GRM7: variants seen among roughly 807,000 people sequenced by gnomAD.
The protein encoded by GRM7 is metabotropic glutamate receptor 7.
GRM7 carries 35 observed loss-of-function variants against 84.5 expected under a neutral mutation model. That is an observed-to-expected ratio of 0.41 (90% CI 0.32 to 0.55). The LOEUF (loss-of-function observed/expected upper bound fraction) is 0.55. GRM7 is among the 20% of genes least tolerant of loss of function. The pLI is 0.19. For synonymous variants in GRM7, 487 were observed against 455.1 expected, an observed-to-expected ratio of 1.07 and a Z score of -0.89; for missense variants, 1,003 against 1,194.6, an observed-to-expected ratio of 0.84 and a Z score of 2.36.
At chr3:7,355,798 G>A (rs1251770336) in intron 4 of GRM7, among the ~76,000 whole-genome samples, 2 of 152,030 alleles carry the variant, frequency 1.3e-5, no homozygotes, top group African/African-American at 4.8e-5. Flanking sequence ...TGAAGAAGTG[G>A]CCCAAATGCC....
intron 1 of GRM7, among the ~76,000 whole-genome samples, chr3:7,011,063 T>C (rs1298166401): frequency 6.6e-6 from 1 of 152,188 alleles, no homozygotes; most frequent in Non-Finnish European, 1.5e-5. Flanking sequence ...CTGGTTCCCC[T>C]CCTGGCTAAC....
chr3:7,285,130 C>G lies in GRM7; in HGVS notation c.737-13554C>G, dbSNP rs138523568. Among the ~76,000 whole-genome samples the G allele has an allele frequency of 7.2e-4, 109 of 152,272 alleles. 1 individual carries two copies. Among genetic ancestry groups the G allele is most frequent in the Non-Finnish European group, 6.3e-4 (43 of 68,014 alleles). On this transcript the variant is annotated intron_variant, in intron 2 of 9. Transcript: ENST00000357716. Reference sequence around the variant, plus strand: ...GGCAGATTTGGGCTACAACAGAGTTCAGTAGCTGTGAAAGAGCCCATAGAC... The same window carrying G: ...GGCAGATTTGGGCTACAACAGAGTTGAGTAGCTGTGAAAGAGCCCATAGAC...
intron 7 of GRM7, among the ~76,000 whole-genome samples, chr3:7,542,904 A>G (rs1257302585): frequency 2.0e-5 from 3 of 152,278 alleles, no homozygotes; most frequent in Non-Finnish European, 4.4e-5. Flanking sequence ...ATATTTCATT[A>G]TCGACTTGCG....
At chr3:7,430,103 A>G (rs1222145379) in intron 5 of GRM7, among the ~76,000 whole-genome samples, 1 of 152,252 alleles carries the variant, frequency 6.6e-6, no homozygotes, top group East Asian at 1.9e-4. Context: ...TGGATACTAT[A>G]GAGAGACCTT....
intron 2 of GRM7, among the ~76,000 whole-genome samples, chr3:7,219,843 G>A (rs2124871453): frequency 6.6e-6 from 1 of 152,246 alleles, no homozygotes; most frequent in Admixed American, 6.5e-5. Flanking sequence ...TATGATTGAG[G>A]CAGGAAATAT....
At chr3:7,296,563 A>G (rs897225622) in intron 2 of GRM7, among the ~76,000 whole-genome samples, 3 of 152,276 alleles carry the variant, frequency 2.0e-5, no homozygotes, top group Middle Eastern at 3.4e-3. Context: ...TTTAATTTAC[A>G]TAAGACTATT....
At chr3:7,727,288 T>A (rs1159730784) in intron 9 of GRM7, among the ~76,000 whole-genome samples, 2 of 152,320 alleles carry the variant, frequency 1.3e-5, no homozygotes, top group African/African-American at 4.8e-5. Context: ...ATCATGAACA[T>A]CTTAATGCAG....
intron 7 of GRM7, among the ~76,000 whole-genome samples, chr3:7,491,875 A>G (rs372123170): frequency 6.6e-6 from 1 of 152,210 alleles, no homozygotes; most frequent in African/African-American, 2.4e-5. Flanking sequence ...ATTCTGCTAC[A>G]TATATAACAG....
intron 1 of GRM7, among the ~76,000 whole-genome samples, chr3:6,897,396 T>G (rs1696222901): frequency 6.6e-6 from 1 of 152,186 alleles, no homozygotes; most frequent in Non-Finnish European, 1.5e-5. Context: ...GTGACTTCAA[T>G]GCCTACTCAA....
chr3:7,508,618 A>T (rs1380037171), intron 7 of GRM7, among the ~76,000 whole-genome samples: 1 of 152,152 alleles, frequency 6.6e-6, no homozygotes, highest in Non-Finnish European at 1.5e-5. Context: ...TCCCAAGGGT[A>T]TCTTTAGCAA....
At chr3:7,641,682 TAAAAG>T (rs1305605187) in intron 8 of GRM7, among the ~76,000 whole-genome samples, 2 of 151,798 alleles carry the variant, frequency 1.3e-5, no homozygotes, top group Non-Finnish European at 1.5e-5. Context: ...TTATTGATCT[TAAAAG>T]AAGAGATAAT....
At chr3:6,909,828 T>C (rs993738581) in intron 1 of GRM7, among the ~76,000 whole-genome samples, 1 of 152,062 alleles carries the variant, frequency 6.6e-6, no homozygotes, top group African/African-American at 2.4e-5. Flanking sequence ...CCATGATATA[T>C]AAATTAAGGA....
At chr3:6,969,953 A>G (rs916083504) in intron 1 of GRM7, among the ~76,000 whole-genome samples, 1 of 152,216 alleles carries the variant, frequency 6.6e-6, no homozygotes, top group Admixed American at 6.5e-5. Context: ...GCAGAAATGC[A>G]TGTGCCTTTT....
At chr3:7,286,942 A>G (rs1417836545) in intron 2 of GRM7, among the ~76,000 whole-genome samples, 1 of 152,144 alleles carries the variant, frequency 6.6e-6, no homozygotes, top group Non-Finnish European at 1.5e-5. Context: ...GCTTAAAATG[A>G]ACAGTTAGCA....
At chr3:7,414,846 A>G (rs1696093526) in intron 4 of GRM7, among the ~76,000 whole-genome samples, 177 bp from the exon 5 acceptor site, 2 of 151,756 alleles carry the variant, frequency 1.3e-5, no homozygotes, top group African/African-American at 2.4e-5. Flanking sequence ...GAATTTAGTC[A>G]TGGATTAATG....
chr3:7,579,124 C>G lies in GRM7; in HGVS notation c.2218C>G (p.Pro740Ala). ...CTATGATGAACACAAGACAATGAAC[C>G]CTGAGCAAGCCAGAGGGGTTCTCAA... ...IDYDEHKTMN[P>A]EQARGVLKCD... Residue 740 changes from proline to alanine, a missense_variant, in exon 8 of 10, where the codon CCT (proline) becomes GCT (alanine). Pro to Ala is a conservative substitution (Grantham distance 27). Around this residue, in one of 2 missense-constraint regions of GRM7, gnomAD observed 910 missense variants for 1,126.0 expected, o/e 0.81. Coordinates refer to ENST00000357716, the MANE Select transcript of GRM7 (RefSeq NM_000844.4). 2 of 1,613,792 alleles carry G rather than the reference C, an allele frequency of 1.2e-6. No homozygotes were observed. Among genetic ancestry groups the G allele is most frequent in the South Asian group, 1.1e-5 (1 of 91,066 alleles).
intron 7 of GRM7, among the ~76,000 whole-genome samples, chr3:7,545,125 T>A (rs562891981): frequency 7.4e-4 from 113 of 152,374 alleles, no homozygotes; most frequent in Admixed American, 4.7e-3. Context: ...AATTGCTTAG[T>A]CTTATTCCTG....
intron 1 of GRM7, among the ~76,000 whole-genome samples, chr3:6,914,652 C>T (rs373457504): frequency 2.1e-4 from 32 of 152,262 alleles, no homozygotes; most frequent in African/African-American, 7.2e-4. Flanking sequence ...CCACCTGCCT[C>T]GGCCTCCCAA....
intron 8 of GRM7, among the ~76,000 whole-genome samples, chr3:7,608,398 C>CT (rs1696693172): frequency 6.6e-6 from 1 of 151,996 alleles, no homozygotes; most frequent in Non-Finnish European, 1.5e-5. Context: ...TATTTTTTGA[C>CT]TTTTTTAATA....
Sources: allele counts gnomAD v4.1 joint callset (sites outside exome capture counted in the v4.1 genomes callset), GRCh38; gene constraint gnomAD v4.1.1; regional missense constraint gnomAD v4.1.1; transcripts MANE v1.5; gene names NCBI Gene and HGNC (gene_info 2026-07-23, HGNC 2026-07-21).